STK32A: variants seen among roughly 807,000 people sequenced by gnomAD.
STK32A encodes serine/threonine-protein kinase 32A.
In STK32A, 41 loss-of-function variants were observed where a neutral mutation model predicts 53.2. The observed-to-expected ratio is 0.77, with a 90% CI of 0.60 to 1.00. The LOEUF is 1.00. Ranked by LOEUF, STK32A falls within the 50% of genes least tolerant of loss-of-function variation. STK32A has a pLI of 0.00. For missense variants in STK32A, 458 were observed against 485.8 expected, an observed-to-expected ratio of 0.94 and a Z score of 0.54; for synonymous variants, 166 against 162.8, an observed-to-expected ratio of 1.02 and a Z score of -0.15.
Position 147,261,145 on chromosome 5 carries a change from C to T in STK32A, c.53-16979C>T, listed in dbSNP as rs141476492. On this transcript the variant is annotated intron_variant, in intron 2 of 12. Transcript: ENST00000397936. ...ACGGGGTGCACCTCCTCAGGAGAGACAACCAGAGACCACCCCCAGAGGGGA... is the reference window on the plus strand; with the variant it reads ...ACGGGGTGCACCTCCTCAGGAGAGATAACCAGAGACCACCCCCAGAGGGGA... Among the ~76,000 whole-genome samples, 62 of 152,248 alleles carry T rather than the reference C, an allele frequency of 4.1e-4. No individual in the cohort carries two copies. The East Asian group carries it at 0.011, about 28-fold the overall frequency.
intron 2 of STK32A, among the ~76,000 whole-genome samples, chr5:147,270,769 G>C (rs879878401): frequency 6.6e-6 from 1 of 152,172 alleles, no homozygotes; most frequent in Non-Finnish European, 1.5e-5. Flanking sequence ...GTCAGATGAA[G>C]AACAGTTAAT....
intron 4 of STK32A, among the ~76,000 whole-genome samples, chr5:147,305,997 G>T (rs555340110): frequency 6.6e-6 from 1 of 151,044 alleles, no homozygotes; most frequent in African/African-American, 2.4e-5. Flanking sequence ...TAAATCACTG[G>T]GTCCTAGGGT....
At chr5:147,293,372 A>G (rs898694796) in intron 4 of STK32A, among the ~76,000 whole-genome samples, 1 of 151,308 alleles carries the variant, frequency 6.6e-6, no homozygotes, top group Non-Finnish European at 1.5e-5. Context: ...GTTAAACATC[A>G]TTTCTTATTT....
chr5:147,299,389 G>A (rs1418140053), intron 4 of STK32A, among the ~76,000 whole-genome samples: 1 of 152,090 alleles, frequency 6.6e-6, no homozygotes. Flanking sequence ...TTCATGACCC[G>A]TATCTTGTGC....
chr5:147,362,004 C>T (rs1756527700), intron 8 of STK32A, among the ~76,000 whole-genome samples: 2 of 152,180 alleles, frequency 1.3e-5, no homozygotes, highest in Non-Finnish European at 2.9e-5. Context: ...ATTATTAATA[C>T]AACACAATTC....
intron 2 of STK32A, among the ~76,000 whole-genome samples, chr5:147,247,715 A>G (rs1753816387): frequency 6.6e-6 from 1 of 152,272 alleles, no homozygotes; most frequent in Non-Finnish European, 1.5e-5. Context: ...AAACAAATGA[A>G]CATGGCTTTG....
chr5:147,337,187 T>G (rs57872026), intron 5 of STK32A, among the ~76,000 whole-genome samples: 2,586 of 152,256 alleles, frequency 0.017, 91 homozygotes, highest in African/African-American at 0.059. Flanking sequence ...TTCTCACAGC[T>G]GGAATCAGCT....
chr5:147,273,162 A>G (rs1471032501), intron 2 of STK32A, among the ~76,000 whole-genome samples: 3 of 152,216 alleles, frequency 2.0e-5, no homozygotes, highest in Admixed American at 6.5e-5. Context: ...CTTATTGCAC[A>G]GCATGTTGAG....
intron 4 of STK32A, among the ~76,000 whole-genome samples, chr5:147,317,166 A>T: frequency 6.6e-6 from 1 of 150,638 alleles, no homozygotes; most frequent in East Asian, 1.9e-4. Flanking sequence ...AAAAAATCTA[A>T]CCTAAACTTG....
chr5:147,270,793 C>T (rs1439229028), intron 2 of STK32A, among the ~76,000 whole-genome samples: 3 of 152,052 alleles, frequency 2.0e-5, no homozygotes, highest in African/African-American at 7.2e-5. Context: ...GTAGTGTTGG[C>T]AAGGTGGTGG....
At chr5:147,392,413 G>A (rs143682341), downstream of STK32A, 1 of 152,334 alleles carries the variant, frequency 6.6e-6, no homozygotes, top group East Asian at 1.9e-4. Context: ...TGCAGTCAGA[G>A]ACAATGGTTT....
intron 6 of STK32A, among the ~76,000 whole-genome samples, chr5:147,345,283 A>G (rs1755628511): frequency 6.6e-6 from 1 of 152,240 alleles, no homozygotes. Context: ...AGAATACTTA[A>G]TTAGGGTCAT....
At chr5:147,355,178 G>A (rs561954912) in intron 7 of STK32A, among the ~76,000 whole-genome samples, 26 of 152,164 alleles carry the variant, frequency 1.7e-4, no homozygotes, top group Non-Finnish European at 3.4e-4. Context: ...ACAAGATGCT[G>A]AGCATATTTT....
chr5:147,316,859 G>GAAAA (rs35058586), intron 4 of STK32A, among the ~76,000 whole-genome samples: 11 of 61,322 alleles, frequency 1.8e-4, no homozygotes, highest in Non-Finnish European at 2.0e-4. Flanking sequence ...TGTTTCTGGC[G>GAAAA]AAAAAAAAAA....
intron 5 of STK32A, among the ~76,000 whole-genome samples, chr5:147,327,634 G>A (rs557186249): frequency 5.3e-5 from 8 of 152,210 alleles, no homozygotes; most frequent in Non-Finnish European, 1.2e-4. Context: ...CAGGCTGCCT[G>A]CTAAGCACTT....
At chr5:147,349,017 A>T (rs1018988325) in intron 6 of STK32A, among the ~76,000 whole-genome samples, 3 of 152,204 alleles carry the variant, frequency 2.0e-5, no homozygotes, top group Admixed American at 2.0e-4. Context: ...GCTCTTCACC[A>T]CAGTCTCCAG....
At chr5:147,287,803 C>G (rs187159742) in intron 4 of STK32A, among the ~76,000 whole-genome samples, 1 of 152,074 alleles carries the variant, frequency 6.6e-6, no homozygotes, top group Admixed American at 6.6e-5. Flanking sequence ...CACTTCACAA[C>G]CTCCCTTTGT....
chr5:147,354,582 G>A (rs965405351), intron 7 of STK32A, among the ~76,000 whole-genome samples: 8 of 152,028 alleles, frequency 5.3e-5, no homozygotes, highest in African/African-American at 1.7e-4. Flanking sequence ...ATCTTTCCCT[G>A]GACCAGACAA....
intron 2 of STK32A, among the ~76,000 whole-genome samples, chr5:147,240,357 T>C (rs904434370): frequency 6.6e-6 from 1 of 152,096 alleles, no homozygotes; most frequent in African/African-American, 2.4e-5. Flanking sequence ...ATAGGTTGTC[T>C]GGGGGAAAAA....
Sources: gnomAD v4.1 joint callset for allele counts (sites outside exome capture counted in the v4.1 genomes callset) on GRCh38, gnomAD v4.1.1 for gene constraint, MANE v1.5 for transcripts, NCBI Gene and HGNC (gene_info 2026-07-23, HGNC 2026-07-21) for gene names.